DDHD1: variants seen among roughly 807,000 people sequenced by gnomAD.
DDHD1 encodes phospholipase DDHD1.
Under a neutral mutation model 96.4 loss-of-function variants are expected in DDHD1, and 49 were observed. The ratio of observed to expected loss-of-function variants is 0.51; its 90% confidence interval spans 0.40 to 0.64. The LOEUF (loss-of-function observed/expected upper bound fraction) is 0.64. DDHD1 is among the 30% of genes least tolerant of loss of function. The probability of loss-of-function intolerance (pLI) is 0.00; values close to 1 mark genes in which losing one functional copy is unlikely to be tolerated. For missense variants in DDHD1, 1,106 were observed against 1,161.2 expected (o/e 0.95, Z 0.69); for synonymous variants, 442 against 446.5 (o/e 0.99, Z 0.13).
chr14:53,051,510 T>C (rs1313241999), intron 12 of DDHD1, among the ~76,000 whole-genome samples: 1 of 151,962 alleles, frequency 6.6e-6, no homozygotes, highest in African/African-American at 2.4e-5. Context: ...TATCTAAATG[T>C]ATTAAATGAA....
At chr14:53,122,713 C>T (rs1202257447) in intron 1 of DDHD1, among the ~76,000 whole-genome samples, 2 of 151,836 alleles carry the variant, frequency 1.3e-5, no homozygotes, top group Non-Finnish European at 2.9e-5. Context: ...CACCTGCCAC[C>T]ATGCCTGGCT....
intron 4 of DDHD1, among the ~76,000 whole-genome samples, chr14:53,084,967 T>C (rs2139969225): frequency 6.6e-6 from 1 of 152,346 alleles, no homozygotes; most frequent in South Asian, 2.1e-4. Flanking sequence ...CACACCAGAT[T>C]ATATCCCGCG....
chr14:53,106,708 A>G (rs548602004), intron 1 of DDHD1, among the ~76,000 whole-genome samples: 19 of 152,308 alleles, frequency 1.2e-4, no homozygotes, highest in African/African-American at 4.6e-4. Context: ...TTAATAATAT[A>G]ATCTTTTTTC....
chr14:53,132,605 T>C (rs1221614552), intron 1 of DDHD1, among the ~76,000 whole-genome samples: 1 of 152,216 alleles, frequency 6.6e-6, no homozygotes, highest in African/African-American at 2.4e-5. Context: ...TCAATATTTA[T>C]GTTGACTCTA....
rs973306180 is a variant in DDHD1, at chr14:53,041,462, AC to A, written c.*5305del. 6.6e-6 allele frequency: 1 copy of A among 152,182 alleles called. No individual in the cohort carries two copies. Among genetic ancestry groups the A allele is most frequent in the Non-Finnish European group, 1.5e-5 (1 of 68,028 alleles). 9.4% of individuals were successfully genotyped at this position (152,182 alleles called of 1,614,324 possible). A position where few individuals can be genotyped will look rare whatever the true frequency, so the allele number is the denominator to read the frequency against. On this transcript the variant is annotated 3_prime_UTR_variant, in exon 13 of 13. Transcript: ENST00000673822. ...TCTCATAGTCTCCAAAAAGGATAGT[AC>A]TTAAATTTTAAATTTCTGAGTTAAC...
At chr14:53,050,757 A>C (rs529890785) in intron 12 of DDHD1, among the ~76,000 whole-genome samples, 1 of 152,258 alleles carries the variant, frequency 6.6e-6, no homozygotes, top group South Asian at 2.1e-4. Flanking sequence ...GCGCAAAAAG[A>C]AGCCATATAG....
intron 2 of DDHD1, 128 bp from the exon 3 acceptor site, chr14:53,093,572 T>A: frequency 8.3e-7 from 1 of 1,207,100 alleles, no homozygotes; most frequent in Non-Finnish European, 1.1e-6. Flanking sequence ...CTTAATTCAA[T>A]AAAACACTAT....
At chr14:53,136,670 A>C (rs900750768) in intron 1 of DDHD1, among the ~76,000 whole-genome samples, 1 of 152,208 alleles carries the variant, frequency 6.6e-6, no homozygotes, top group Non-Finnish European at 1.5e-5. Context: ...AGCAGTCAGA[A>C]TATAAAAACC....
intron 1 of DDHD1, among the ~76,000 whole-genome samples, chr14:53,123,115 G>GTTA (rs139846735): frequency 0.038 from 5,210 of 138,364 alleles, 119 homozygotes; most frequent in East Asian, 0.093. Context: ...GATAATTGCT[G>GTTA]TTATTATTAT....
chr14:53,094,898 T>C (rs1886749609), intron 2 of DDHD1, among the ~76,000 whole-genome samples: 1 of 151,564 alleles, frequency 6.6e-6, no homozygotes, highest in Admixed American at 6.6e-5. Flanking sequence ...GGGGATATGC[T>C]TGGTGAAAAT....
intron 4 of DDHD1, among the ~76,000 whole-genome samples, chr14:53,087,174 C>G (rs1450344614): frequency 6.6e-6 from 1 of 151,836 alleles, no homozygotes; most frequent in Non-Finnish European, 1.5e-5. Context: ...TCCTTAGAGA[C>G]CCTACAAAGA....
At chr14:53,138,170 C>G (rs1388486786) in intron 1 of DDHD1, among the ~76,000 whole-genome samples, 1 of 152,084 alleles carries the variant, frequency 6.6e-6, no homozygotes, top group African/African-American at 2.4e-5. Context: ...TTTCAGAGGC[C>G]GAGGTGGGCA....
intron 2 of DDHD1, among the ~76,000 whole-genome samples, chr14:53,100,373 G>A (rs1241678504): frequency 6.6e-6 from 1 of 152,136 alleles, no homozygotes; most frequent in Non-Finnish European, 1.5e-5. Context: ...GGAGGCTGAG[G>A]TGGGAGGGTC....
chr14:53,056,067 T>C (rs529286937), intron 9 of DDHD1, among the ~76,000 whole-genome samples, 155 bp from the exon 10 acceptor site: 1 of 152,336 alleles, frequency 6.6e-6, no homozygotes, highest in African/African-American at 2.4e-5. Context: ...TTTCTATTTG[T>C]TCACTGTTAA....
intron 1 of DDHD1, among the ~76,000 whole-genome samples, chr14:53,137,724 G>T (rs930718160): frequency 1.3e-5 from 2 of 152,090 alleles, no homozygotes; most frequent in African/African-American, 2.4e-5. Context: ...CAAGATAAGG[G>T]GTAGGATGAA....
At chr14:53,068,417 A>T (rs1056691242) in intron 6 of DDHD1, among the ~76,000 whole-genome samples, 1 of 151,714 alleles carries the variant, frequency 6.6e-6, no homozygotes, top group African/African-American at 2.4e-5. Flanking sequence ...GCTAATTTTT[A>T]AAAAATTATT....
intron 12 of DDHD1, among the ~76,000 whole-genome samples, chr14:53,050,453 T>C (rs538687234): frequency 9.2e-5 from 14 of 152,248 alleles, no homozygotes; most frequent in South Asian, 4.2e-4. Flanking sequence ...GTATGAATGA[T>C]TGAGACCTTT....
intron 4 of DDHD1, among the ~76,000 whole-genome samples, chr14:53,082,442 CTTTTT>C (rs35059788): frequency 6.6e-5 from 8 of 121,896 alleles, no homozygotes; most frequent in Admixed American, 1.7e-4. Context: ...TCCAAGATAC[CTTTTT>C]TTTTTTTTTT....
At chr14:53,085,192 C>T (rs983610990) in intron 4 of DDHD1, among the ~76,000 whole-genome samples, 3 of 152,204 alleles carry the variant, frequency 2.0e-5, no homozygotes, top group Non-Finnish European at 4.4e-5. Flanking sequence ...CCTCTGGGGG[C>T]AGGGCATAGC....
Sources: allele counts gnomAD v4.1 joint callset (sites outside exome capture counted in the v4.1 genomes callset), GRCh38; gene constraint gnomAD v4.1.1; transcripts MANE v1.5; gene names NCBI Gene and HGNC (gene_info 2026-07-23, HGNC 2026-07-21).